The following CHL1 variants were observed in gnomAD, a reference collection of about 807,000 sequenced individuals.
CHL1 encodes the protein neural cell adhesion molecule L1-like protein.
A neutral mutation model predicts 141.9 loss-of-function variants in CHL1; 96 were observed. The ratio of observed to expected loss-of-function variants is 0.68; its 90% CI spans 0.57 to 0.80. The LOEUF (loss-of-function observed/expected upper bound fraction) is 0.80. Ranked by LOEUF, CHL1 falls within the 30% of genes least tolerant of loss-of-function variation. The pLI is 0.00. For missense variants in CHL1, 1,820 were observed against 1,457.2 expected, an observed-to-expected ratio of 1.25 and a Z score of -4.05; for synonymous variants, 613 against 502.2, an observed-to-expected ratio of 1.22 and a Z score of -2.95.
Position 391,751 on chromosome 3 carries a change from G to A in CHL1, c.2868G>A (p.Lys956=), listed in dbSNP as rs1342704520. 3 of 1,601,296 alleles carry A rather than the reference G, an allele frequency of 1.9e-6. No individual in the cohort carries two copies. Among genetic ancestry groups the A allele is most frequent in the East Asian group, 2.2e-5 (1 of 44,682 alleles). ...DTATLSWGLP[K]KLNGNLTGYL... is the part of the protein sequence containing the mutation. ...CCACTTTATCTTGGGGACTACCTAA[G>A]AAATTAAATGGAAACTTAACTGGCT... The change falls in exon 23 of 28, where the codon AAG becomes AAA. Residue 956 remains lysine, a synonymous_variant. Coordinates refer to ENST00000256509, the MANE Select transcript of CHL1 (RefSeq NM_006614.4).
At chr3:371,905 CT>C (rs1705683057) in intron 15 of CHL1, among the ~76,000 whole-genome samples, 1 of 152,124 alleles carries the variant, frequency 6.6e-6, no homozygotes, top group Non-Finnish European at 1.5e-5. Flanking sequence ...GCTGAAAATT[CT>C]TTTCTTTAAG....
intron 2 of CHL1, among the ~76,000 whole-genome samples, chr3:286,093 A>T (rs757108186): frequency 1.3e-5 from 2 of 152,150 alleles, no homozygotes; most frequent in Non-Finnish European, 1.5e-5. Flanking sequence ...CAAGTTAGAG[A>T]TCCCCTTCCA....
At chr3:329,138 T>C (rs1701245173) in intron 5 of CHL1, among the ~76,000 whole-genome samples, 1 of 152,082 alleles carries the variant, frequency 6.6e-6, no homozygotes, top group Admixed American at 6.6e-5. Flanking sequence ...CATGACCACC[T>C]TTTATATTTT....
At chr3:378,587 A>C (rs908862981) in intron 16 of CHL1, among the ~76,000 whole-genome samples, 1 of 152,174 alleles carries the variant, frequency 6.6e-6, no homozygotes, top group Non-Finnish European at 1.5e-5. Context: ...TTCACTCTCT[A>C]CCAGCTCTTT....
chr3:299,376 T>G (rs332478), intron 2 of CHL1, among the ~76,000 whole-genome samples: 36,556 of 151,984 alleles, frequency 0.24, 6,794 homozygotes, highest in African/African-American at 0.5. Context: ...GCAGCATCAG[T>G]GAACATATGG....
At chr3:221,090 A>C (rs1227689319) in intron 1 of CHL1, among the ~76,000 whole-genome samples, 3 of 152,156 alleles carry the variant, frequency 2.0e-5, no homozygotes. Flanking sequence ...CTGAAATCCC[A>C]CACTCACCCA....
intron 1 of CHL1, among the ~76,000 whole-genome samples, chr3:222,126 A>T (rs935929559): frequency 2.0e-5 from 3 of 152,236 alleles, no homozygotes; most frequent in African/African-American, 7.2e-5. Context: ...TTAGTTTCCC[A>T]TTATGGTAAT....
At chr3:287,033 T>C (rs1559202510) in intron 2 of CHL1, among the ~76,000 whole-genome samples, 1 of 152,104 alleles carries the variant, frequency 6.6e-6, no homozygotes, top group Non-Finnish European at 1.5e-5. Flanking sequence ...GCCAACCTCC[T>C]ATCTCATCCT....
intron 5 of CHL1, among the ~76,000 whole-genome samples, chr3:336,062 C>A (rs1343469195): frequency 6.6e-6 from 1 of 152,078 alleles, no homozygotes; most frequent in Non-Finnish European, 1.5e-5. Context: ...GACACTGAAA[C>A]ATATTAAGTA....
At chr3:327,652 T>C (rs1701118802) in intron 4 of CHL1, among the ~76,000 whole-genome samples, 2 of 151,956 alleles carry the variant, frequency 1.3e-5, no homozygotes, top group Admixed American at 1.3e-4. Context: ...ATAATGTAGC[T>C]ATAAAAATTG....
intron 2 of CHL1, among the ~76,000 whole-genome samples, chr3:304,320 C>T (rs1380319762): frequency 1.3e-5 from 2 of 152,110 alleles, no homozygotes; most frequent in Non-Finnish European, 2.9e-5. Flanking sequence ...GGAATGGTAC[C>T]AGCTCTTCTT....
At chr3:288,161 GT>G (rs1360566072) in intron 2 of CHL1, among the ~76,000 whole-genome samples, 1 of 152,106 alleles carries the variant, frequency 6.6e-6, no homozygotes, top group Non-Finnish European at 1.5e-5. Context: ...CTAATTTAAG[GT>G]GACCAAGTTT....
intron 10 of CHL1, among the ~76,000 whole-genome samples, chr3:352,597 A>C (rs1433030684): frequency 1.3e-5 from 2 of 152,148 alleles, no homozygotes; most frequent in African/African-American, 2.4e-5. Context: ...ATTTTTCCTC[A>C]GAATTTTTGG....
intron 2 of CHL1, among the ~76,000 whole-genome samples, chr3:287,642 G>A (rs1037721647): frequency 1.3e-5 from 2 of 152,160 alleles, no homozygotes; most frequent in Non-Finnish European, 1.5e-5. Context: ...ACTGGATTTA[G>A]TAAGATGCTT....
At chr3:356,490 C>T (rs1205161198) in intron 11 of CHL1, among the ~76,000 whole-genome samples, 2 of 152,148 alleles carry the variant, frequency 1.3e-5, no homozygotes, top group Non-Finnish European at 2.9e-5. Context: ...GGATGGAATC[C>T]TTGCTCTCCT....
At chr3:363,094 C>T (rs570720013) in intron 13 of CHL1, 123 bp from the exon 14 acceptor site, 3 of 734,022 alleles carry the variant, frequency 4.1e-6, no homozygotes, top group South Asian at 2.3e-5. Context: ...CCCACTGGAA[C>T]ATTTCATGAG....
intron 2 of CHL1, among the ~76,000 whole-genome samples, chr3:296,985 G>A (rs1398337459): frequency 6.6e-6 from 1 of 152,102 alleles, no homozygotes; most frequent in Admixed American, 6.6e-5. Context: ...TCCTGAGTTT[G>A]TATGTGAGGA....
chr3:363,574 G>A (rs990158308), intron 14 of CHL1, 191 bp downstream of exon 14: 11 of 509,384 alleles, frequency 2.2e-5, no homozygotes, highest in Non-Finnish European at 3.4e-5. Context: ...CATGATATGT[G>A]CACAGCTTCA....
intron 5 of CHL1, among the ~76,000 whole-genome samples, chr3:328,916 A>G (rs930127078): frequency 6.6e-6 from 1 of 152,154 alleles, no homozygotes; most frequent in Non-Finnish European, 1.5e-5. Context: ...ATGTTTTGTT[A>G]GGTGGGGCAA....
Sources: gnomAD v4.1 joint callset for allele counts (sites outside exome capture counted in the v4.1 genomes callset) on GRCh38, gnomAD v4.1.1 for gene constraint, MANE v1.5 for transcripts, NCBI Gene and HGNC (gene_info 2026-07-23, HGNC 2026-07-21) for gene names.